DTD1: variants seen among roughly 807,000 people sequenced by gnomAD.
The protein encoded by DTD1 is D-tyrosyl-tRNA deacylase 1 homolog.
DTD1 carries 13 observed loss-of-function variants against 25.6 expected under a neutral mutation model. That is an observed-to-expected ratio of 0.51 (90% CI 0.33 to 0.81). The LOEUF is 0.81. DTD1 is among the 30% of genes least tolerant of loss of function. The pLI is 0.02. For missense variants in DTD1, 193 were observed against 266.4 expected, an observed-to-expected ratio of 0.72 and a Z score of 1.92; for synonymous variants, 110 against 103.6, an observed-to-expected ratio of 1.06 and a Z score of -0.37.
Position 18,699,649 on chromosome 20 carries a change from G to C in DTD1, c.478-44451G>C, listed in dbSNP as rs73897282. 8.8e-3 allele frequency among the ~76,000 whole-genome samples: 1,337 copies of C among 152,232 alleles called. 20 individuals are homozygous for C. The highest frequency in any genetic ancestry group is 0.031 in the African/African-American group (1,280 of 41,540). ...GTACCTCAGTTTGGAAGCCTAGTGG[G>C]AGAGACTTTCTAGAAGGGCAGCTCC... On this transcript the variant is annotated intron_variant, in intron 4 of 5. Coordinates refer to ENST00000377452, the MANE Select transcript of DTD1 (RefSeq NM_080820.6).
chr20:18,704,744 AG>A (rs1369901483), intron 4 of DTD1, among the ~76,000 whole-genome samples: 1 of 152,146 alleles, frequency 6.6e-6, no homozygotes, highest in Non-Finnish European at 1.5e-5. Context: ...TGCACAGGAC[AG>A]ACCTCACCCC....
At chr20:18,684,603 A>G (rs1364033124) in intron 4 of DTD1, among the ~76,000 whole-genome samples, 1 of 152,034 alleles carries the variant, frequency 6.6e-6, no homozygotes, top group African/African-American at 2.4e-5. Flanking sequence ...TACCATTTAG[A>G]TGTTCTTTTC....
chr20:18,703,560 G>A (rs2061113846), intron 4 of DTD1, among the ~76,000 whole-genome samples: 1 of 151,344 alleles, frequency 6.6e-6, no homozygotes, highest in Non-Finnish European at 1.5e-5. Context: ...AAACTTTCTC[G>A]GTATTTTCCA....
chr20:18,738,840 A>C (rs542861762), intron 4 of DTD1, among the ~76,000 whole-genome samples: 1 of 152,226 alleles, frequency 6.6e-6, no homozygotes, highest in African/African-American at 2.4e-5. Flanking sequence ...TTCAACTACT[A>C]TCAGGTTATT....
At chr20:18,609,304 G>T (rs1458918004) in intron 3 of DTD1, among the ~76,000 whole-genome samples, 21 of 151,646 alleles carry the variant, frequency 1.4e-4, no homozygotes, top group Admixed American at 1.4e-3. Flanking sequence ...CACCACACTC[G>T]GCTAATTTTT....
chr20:18,651,481 C>G (rs923214853), intron 4 of DTD1, among the ~76,000 whole-genome samples: 1 of 152,234 alleles, frequency 6.6e-6, no homozygotes, highest in African/African-American at 2.4e-5. Context: ...ATTGTTGGTA[C>G]ATAATCTGCC....
chr20:18,751,852 TTG>T (rs1194897570), intron 5 of DTD1, among the ~76,000 whole-genome samples: 16 of 113,144 alleles, frequency 1.4e-4, no homozygotes, highest in Non-Finnish European at 2.2e-4. Flanking sequence ...TTTTTTTTTT[TTG>T]TTGTTGTTGT....
intron 4 of DTD1, among the ~76,000 whole-genome samples, chr20:18,715,139 C>G (rs1261848787): frequency 6.6e-6 from 1 of 152,148 alleles, no homozygotes; most frequent in Non-Finnish European, 1.5e-5. Context: ...TGGGTGTCAT[C>G]CCTGAGTCCT....
intron 4 of DTD1, among the ~76,000 whole-genome samples, chr20:18,742,385 G>A (rs895648358): frequency 1.3e-5 from 2 of 152,158 alleles, no homozygotes; most frequent in Admixed American, 1.3e-4. Context: ...CAACCCCCAG[G>A]CCAGGGACCG....
At chr20:18,616,105 G>C (rs772971474) in intron 3 of DTD1, among the ~76,000 whole-genome samples, 1 of 152,190 alleles carries the variant, frequency 6.6e-6, no homozygotes, top group Admixed American at 6.5e-5. Context: ...ATGTGGGATC[G>C]TGTCTTCATT....
At chr20:18,698,969 C>T (rs2061091195) in intron 4 of DTD1, among the ~76,000 whole-genome samples, 2 of 152,128 alleles carry the variant, frequency 1.3e-5, no homozygotes, top group African/African-American at 4.8e-5. Context: ...TTACACCCTC[C>T]ACGTCTGTGT....
At chr20:18,706,827 C>G (rs962870282) in intron 4 of DTD1, among the ~76,000 whole-genome samples, 8 of 152,222 alleles carry the variant, frequency 5.3e-5, no homozygotes, top group African/African-American at 1.9e-4. Context: ...ATTTAAGACT[C>G]TGAAAGGAAG....
At chr20:18,707,223 C>T (rs8115448) in intron 4 of DTD1, among the ~76,000 whole-genome samples, 52,899 of 152,144 alleles carry the variant, frequency 0.35, 9,536 homozygotes, top group Non-Finnish European at 0.4. Flanking sequence ...AAGAGAGTTT[C>T]GTTCGATAAA....
intron 3 of DTD1, among the ~76,000 whole-genome samples, chr20:18,604,072 A>G (rs1389907983): frequency 1.5e-4 from 2 of 13,570 alleles, no homozygotes; most frequent in African/African-American, 5.8e-4. Context: ...AATAGACACA[A>G]TAAAAAATGA....
intron 2 of DTD1, 46 bp from the exon 3 acceptor site, chr20:18,595,960 G>T (rs1311733159): frequency 1.3e-6 from 2 of 1,550,574 alleles, no homozygotes; most frequent in Non-Finnish European, 1.8e-6. Context: ...TGTGTTGGGG[G>T]GCTTGTGATC....
At chr20:18,663,584 G>C (rs949752345) in intron 4 of DTD1, among the ~76,000 whole-genome samples, 1 of 152,134 alleles carries the variant, frequency 6.6e-6, no homozygotes, top group Admixed American at 6.5e-5. Context: ...TCTATGTTTA[G>C]ATACACAAAT....
Position 18,761,300 on chromosome 20 carries a change from G to C in DTD1, c.*20-2060G>C. Among the ~76,000 whole-genome samples the C allele has an allele frequency of 1.3e-5, 2 of 152,162 alleles. 1 individual carries two copies. Among genetic ancestry groups the C allele is most frequent in the Middle Eastern group, 6.8e-3 (2 of 294 alleles). ...TGAGTTGGAAATGCAGAAATCATTC[G>C]TCTTCTGCGTGGCTCACACTGGGAG... On this transcript the variant is annotated intron_variant, in intron 5 of 5. Transcript: ENST00000377452.
intron 4 of DTD1, among the ~76,000 whole-genome samples, chr20:18,715,672 C>T (rs2061177395): frequency 6.6e-6 from 1 of 152,220 alleles, no homozygotes; most frequent in Non-Finnish European, 1.5e-5. Flanking sequence ...TGGATGTAAT[C>T]TATAAAATGG....
chr20:18,722,713 G>A (rs2061208937), intron 4 of DTD1, among the ~76,000 whole-genome samples: 1 of 152,192 alleles, frequency 6.6e-6, no homozygotes, highest in African/African-American at 2.4e-5. Context: ...AGACATCATA[G>A]CAGGTAGGTG....
Sources: gnomAD v4.1 joint callset for allele counts (sites outside exome capture counted in the v4.1 genomes callset) on GRCh38, gnomAD v4.1.1 for gene constraint, MANE v1.5 for transcripts, NCBI Gene and HGNC (gene_info 2026-07-23, HGNC 2026-07-21) for gene names.